The following SLC28A1 variants were observed in gnomAD, a reference collection of about 807,000 sequenced individuals.
SLC28A1 encodes the protein sodium/nucleoside cotransporter 1.
A neutral mutation model predicts 74.8 loss-of-function variants in SLC28A1; 64 were observed. The observed-to-expected ratio is 0.86, with a 90% CI of 0.70 to 1.05. The LOEUF (loss-of-function observed/expected upper bound fraction) is 1.05. Among genes scored for constraint, SLC28A1 ranks in the 50% least tolerant of loss-of-function variants. The pLI is 0.00. For missense variants in SLC28A1, 828 were observed against 822.8 expected, an observed-to-expected ratio of 1.01 and a Z score of -0.08; for synonymous variants, 359 against 335.0, an observed-to-expected ratio of 1.07 and a Z score of -0.78.
intron 8 of SLC28A1, 123 bp from the exon 9 acceptor site, chr15:84,908,595 C>CG: frequency 1.3e-6 from 1 of 777,992 alleles, no homozygotes; most frequent in Middle Eastern, 2.3e-4. Context: ...GTGCCCCCCC[C>CG]CGGATAAGGG....
chr15:84,969,375 C>T, the SLC28A1 span, among the ~76,000 whole-genome samples: 2 of 152,320 alleles, frequency 1.3e-5, no homozygotes, highest in Admixed American at 6.5e-5. Flanking sequence ...CAAGCCTTCA[C>T]GCTGAAGAAG....
chr15:84,927,770 C>T (rs1034130531), intron 12 of SLC28A1, among the ~76,000 whole-genome samples: 2 of 152,058 alleles, frequency 1.3e-5, no homozygotes, highest in African/African-American at 4.8e-5. Context: ...GAGGGCAGGA[C>T]AGAAAAACTT....
At chr15:84,926,659 G>C (rs978888093) in intron 12 of SLC28A1, 1 of 396,002 alleles carries the variant, frequency 2.5e-6, no homozygotes, top group East Asian at 8.8e-5. Flanking sequence ...CATAAGCTGG[G>C]TAAGTTGCCC....
downstream of SLC28A1, among the ~76,000 whole-genome samples, chr15:84,947,361 T>C (rs1296593587): frequency 4.6e-5 from 7 of 152,182 alleles, no homozygotes; most frequent in Non-Finnish European, 1.0e-4. Flanking sequence ...TATGTTGGCC[T>C]CAGCTCCACT....
At chr15:84,941,561 C>T (rs549777047) in intron 15 of SLC28A1, among the ~76,000 whole-genome samples, 23 of 151,852 alleles carry the variant, frequency 1.5e-4, no homozygotes, top group Non-Finnish European at 2.6e-4. Flanking sequence ...TTTGTGATTT[C>T]TTCTGTTATT....
chr15:84,900,133 A>G (rs1011882897), intron 6 of SLC28A1, among the ~76,000 whole-genome samples: 2 of 151,978 alleles, frequency 1.3e-5, no homozygotes, highest in African/African-American at 2.4e-5. Flanking sequence ...CCTGAGCAAT[A>G]TGGTGAAACC....
intron 9 of SLC28A1, among the ~76,000 whole-genome samples, chr15:84,910,608 A>G (rs1299785993): frequency 1.3e-5 from 2 of 152,180 alleles, no homozygotes; most frequent in South Asian, 2.1e-4. Flanking sequence ...CATGCCTGTA[A>G]TCCCAGCTAC....
chr15:84,885,745 A>G (rs1464764905), intron 1 of SLC28A1, among the ~76,000 whole-genome samples: 1 of 151,762 alleles, frequency 6.6e-6, no homozygotes, highest in African/African-American at 2.4e-5. Context: ...AAAAAAAAAA[A>G]AAAGGAGGAA....
chr15:84,967,510 T>C, the SLC28A1 span, among the ~76,000 whole-genome samples: 1 of 152,236 alleles, frequency 6.6e-6, no homozygotes, highest in Non-Finnish European at 1.5e-5. Flanking sequence ...CTTGCCAATT[T>C]ACATATGAAC....
chr15:84,970,834 C>CA, the SLC28A1 span, among the ~76,000 whole-genome samples: 665 of 149,692 alleles, frequency 4.4e-3, 1 homozygote, highest in Middle Eastern at 0.014. Context: ...CTCATATCTA[C>CA]AAAAAAAAAC....
intron 9 of SLC28A1, among the ~76,000 whole-genome samples, chr15:84,916,074 T>C (rs376251006): frequency 1.3e-5 from 2 of 151,640 alleles, no homozygotes; most frequent in East Asian, 3.9e-4. Flanking sequence ...GCGATTCTCA[T>C]GCCTCAGCCT....
At chr15:84,955,250 G>T in the SLC28A1 span, among the ~76,000 whole-genome samples, 3 of 152,100 alleles carry the variant, frequency 2.0e-5, no homozygotes, top group African/African-American at 7.2e-5. Flanking sequence ...ATCCCCTTTG[G>T]TGCCCATCTA....
chr15:84,897,321 G>A (rs897337383), intron 6 of SLC28A1, among the ~76,000 whole-genome samples: 3 of 151,976 alleles, frequency 2.0e-5, no homozygotes, highest in African/African-American at 4.8e-5. Context: ...GGGAGGCAGA[G>A]GTTGCAGTGA....
At chr15:84,962,557 C>T in the SLC28A1 span, among the ~76,000 whole-genome samples, 1 of 152,110 alleles carries the variant, frequency 6.6e-6, no homozygotes, top group African/African-American at 2.4e-5. Context: ...TCCACCTCAG[C>T]CTCTGGAGTA....
chr15:84,973,754 T>C, the SLC28A1 span, among the ~76,000 whole-genome samples: 2 of 152,198 alleles, frequency 1.3e-5, no homozygotes, highest in Admixed American at 1.3e-4. Flanking sequence ...ATGAGCTCCG[T>C]GAAGTCAGGG....
At chr15:84,905,476 C>G in intron 7 of SLC28A1, 63 bp from the exon 8 acceptor site, 6 of 1,161,844 alleles carry the variant, frequency 5.2e-6, no homozygotes, top group Middle Eastern at 1.9e-4. Context: ...CTCTCACCCC[C>G]ACCCGGCTCC....
intron 9 of SLC28A1, 125 bp from the exon 10 acceptor site, chr15:84,918,399 C>T: frequency 1.3e-6 from 1 of 776,016 alleles, no homozygotes; most frequent in Non-Finnish European, 2.3e-6. Context: ...CTTCCCGGAT[C>T]CTGTCAGGCA....
At chr15:84,943,413 A>C in intron 15 of SLC28A1, 32 bp from the exon 16 acceptor site, 4 of 1,516,382 alleles carry the variant, frequency 2.6e-6, no homozygotes, top group Non-Finnish European at 2.7e-6. Flanking sequence ...ATCTGAGGGG[A>C]GCCCCTCCTC....
At chr15:84,970,330 T>C in the SLC28A1 span, among the ~76,000 whole-genome samples, 98,106 of 152,042 alleles carry the variant, frequency 0.65, 32,422 homozygotes, top group South Asian at 0.76. Context: ...ATACATCTCA[T>C]TGGCCATGGT....
Sources: gnomAD v4.1 joint callset for allele counts (sites outside exome capture counted in the v4.1 genomes callset) on GRCh38, gnomAD v4.1.1 for gene constraint, MANE v1.5 for transcripts, NCBI Gene and HGNC (gene_info 2026-07-23, HGNC 2026-07-21) for gene names.